DLGAP2: variants seen among roughly 807,000 people sequenced by gnomAD.
DLGAP2 encodes disks large-associated protein 2.
Under a neutral mutation model 100.3 loss-of-function variants are expected in DLGAP2, and 26 were observed. That is an observed-to-expected ratio of 0.26 (90% CI 0.19 to 0.36). DLGAP2 has a LOEUF of 0.36. DLGAP2 is among the 10% of genes least tolerant of loss of function. DLGAP2 has a pLI of 1.00. For missense variants in DLGAP2, 1,858 were observed against 1,453.2 expected, an observed-to-expected ratio of 1.28 and a Z score of -4.53; for synonymous variants, 886 against 630.1, an observed-to-expected ratio of 1.41 and a Z score of -6.08.
chr8:964,801 A>G (rs1367938988), intron 2 of DLGAP2, among the ~76,000 whole-genome samples: 2 of 152,194 alleles, frequency 1.3e-5, no homozygotes, highest in Admixed American at 6.5e-5. Flanking sequence ...TGCAGATTCT[A>G]CTGGAAGCCC....
At chr8:954,941 G>T (rs1799562776) in intron 2 of DLGAP2, among the ~76,000 whole-genome samples, 1 of 152,112 alleles carries the variant, frequency 6.6e-6, no homozygotes, top group African/African-American at 2.4e-5. Flanking sequence ...ATTTCAAATG[G>T]TCATCAGTTG....
At chr8:1,449,474 C>G (rs995745697) in intron 3 of DLGAP2, among the ~76,000 whole-genome samples, 3 of 152,112 alleles carry the variant, frequency 2.0e-5, no homozygotes, top group African/African-American at 7.2e-5. Flanking sequence ...TGGGACGGGA[C>G]GGCACCAGCG....
Position 1,315,994 on chromosome 8 carries a change from C to T in DLGAP2, c.106+57111C>T, listed in dbSNP as rs577126890. On this transcript the variant is annotated intron_variant, in intron 3 of 14. Transcript: ENST00000637795. ...GCAGCTTTTAAAAATAGAGGCTGTGCGAGTGCAGCGTCTCTCCAACAGTGG... is the reference window on the plus strand; with the variant it reads ...GCAGCTTTTAAAAATAGAGGCTGTGTGAGTGCAGCGTCTCTCCAACAGTGG... 2.7e-4 allele frequency among the ~76,000 whole-genome samples: 37 copies of T among 135,460 alleles called. 1 individual carries two copies. The highest frequency in any genetic ancestry group is 7.3e-4 in the African/African-American group (28 of 38,318). The allele number at this position is 135,460 out of a possible 152,430, so 88.9% of individuals were successfully genotyped here.
chr8:776,670 T>C (rs1464285570), intron 1 of DLGAP2, among the ~76,000 whole-genome samples: 2 of 152,364 alleles, frequency 1.3e-5, no homozygotes, highest in East Asian at 3.8e-4. Flanking sequence ...TTGAGTGAGA[T>C]TCTTAATCCT....
chr8:1,581,592 C>T (rs1803263953), intron 6 of DLGAP2, among the ~76,000 whole-genome samples: 1 of 151,724 alleles, frequency 6.6e-6, no homozygotes, highest in Admixed American at 6.6e-5. Flanking sequence ...CATATACACA[C>T]ACCACAGTCA....
chr8:1,493,770 C>G (rs1057510113), intron 3 of DLGAP2, among the ~76,000 whole-genome samples: 7 of 152,218 alleles, frequency 4.6e-5, no homozygotes, highest in African/African-American at 1.2e-4. Flanking sequence ...TGTAGAGAAG[C>G]TGGGGCGGGC....
At chr8:1,589,300 T>C (rs1796220171) in intron 6 of DLGAP2, among the ~76,000 whole-genome samples, 1 of 152,254 alleles carries the variant, frequency 6.6e-6, no homozygotes, top group South Asian at 2.1e-4. Context: ...ATTATCCTTG[T>C]ATTGCAGTTA....
Position 1,425,750 on chromosome 8 carries a change from C to G in DLGAP2, c.107-75616C>G, listed in dbSNP as rs541860057. On this transcript the variant is annotated intron_variant, in intron 3 of 14. Coordinates refer to ENST00000637795, the MANE Select transcript of DLGAP2 (RefSeq NM_001346810.2). ...GAACCAAGATAAGGACGTCTGTGCA[C>G]CATTAAAAAAATAAACCCACAGCAA... 2.0e-5 allele frequency among the ~76,000 whole-genome samples: 3 copies of G among 152,192 alleles called. No homozygotes were observed. In the South Asian group the frequency reaches 6.2e-4, roughly 32 times the overall value.
chr8:1,084,223 G>C (rs1309166500), intron 2 of DLGAP2, among the ~76,000 whole-genome samples: 1 of 152,142 alleles, frequency 6.6e-6, no homozygotes, highest in African/African-American at 2.4e-5. Flanking sequence ...CTCAGTCCTT[G>C]TGTTTTTTAA....
In DLGAP2 at chr8:1,289,032, T is replaced by C. The variant is rs1169582578; in HGVS notation, c.106+30149T>C. ...GAAAACAAAAATCCCTTTGAATCTG[T>C]TTTCTTTTGACATTGGCAGATAGAG... On this transcript the variant is annotated intron_variant, in intron 3 of 14. Coordinates refer to ENST00000637795, the MANE Select transcript of DLGAP2 (RefSeq NM_001346810.2). 2.0e-5 allele frequency among the ~76,000 whole-genome samples: 3 copies of C among 152,212 alleles called. No individual in the cohort carries two copies. In the East Asian group the frequency reaches 5.8e-4, roughly 29 times the overall value.
intron 3 of DLGAP2, among the ~76,000 whole-genome samples, chr8:1,479,139 C>T (rs979328895): frequency 2.6e-5 from 4 of 152,250 alleles, no homozygotes; most frequent in African/African-American, 9.6e-5. Context: ...GGACAGCAGC[C>T]AGCAGGCCAG....
At chr8:1,516,269 A>G (rs1295139985) in intron 4 of DLGAP2, among the ~76,000 whole-genome samples, 1 of 151,474 alleles carries the variant, frequency 6.6e-6, no homozygotes, top group East Asian at 2.0e-4. Context: ...AAGAGCACAC[A>G]AATGAGTGAC....
chr8:1,379,875 T>TC (rs1255527912), intron 3 of DLGAP2, among the ~76,000 whole-genome samples: 10 of 81,494 alleles, frequency 1.2e-4, no homozygotes, highest in African/African-American at 3.8e-4. Flanking sequence ...CCTGCTGATT[T>TC]GGGGTGCCTT....
At chr8:1,227,158 A>ATATATATATATATATG (rs1215864957) in intron 2 of DLGAP2, among the ~76,000 whole-genome samples, 2 of 134,194 alleles carry the variant, frequency 1.5e-5, no homozygotes, top group Non-Finnish European at 3.1e-5. Context: ...TGTGAGATAT[A>ATATATATATATATATG]TATATATATA....
chr8:1,043,408 G>A (rs1282498579), intron 2 of DLGAP2, among the ~76,000 whole-genome samples: 1 of 151,776 alleles, frequency 6.6e-6, no homozygotes, highest in Admixed American at 6.6e-5. Flanking sequence ...GGTGGATATA[G>A]GTGGTGGATG....
At chr8:1,337,304 ATGATG>A (rs1371416457) in intron 3 of DLGAP2, among the ~76,000 whole-genome samples, 32 of 134,648 alleles carry the variant, frequency 2.4e-4, no homozygotes, top group African/African-American at 9.3e-4. Context: ...GATGATGAGG[ATGATG>A]TGATGGTGAG....
chr8:1,121,381 C>T (rs138459585), intron 2 of DLGAP2, among the ~76,000 whole-genome samples: 41 of 151,520 alleles, frequency 2.7e-4, no homozygotes, highest in African/African-American at 9.9e-4. Flanking sequence ...ATCCTTATCC[C>T]TTTAGAAACC....
chr8:1,547,894 C>G (rs756331158), intron 4 of DLGAP2, among the ~76,000 whole-genome samples: 33 of 152,288 alleles, frequency 2.2e-4, no homozygotes, highest in Middle Eastern at 3.4e-3. Flanking sequence ...AACGATTTCA[C>G]GATTAATACC....
chr8:1,276,558 A>G (rs908869610), intron 3 of DLGAP2, among the ~76,000 whole-genome samples: 2 of 151,948 alleles, frequency 1.3e-5, no homozygotes, highest in Non-Finnish European at 2.9e-5. Context: ...TTCTCTTGCT[A>G]TAGTTTTCAC....
Sources: gnomAD v4.1 joint callset for allele counts (sites outside exome capture counted in the v4.1 genomes callset) on GRCh38, gnomAD v4.1.1 for gene constraint, MANE v1.5 for transcripts, NCBI Gene and HGNC (gene_info 2026-07-23, HGNC 2026-07-21) for gene names.